AHNAK2: variants seen among roughly 807,000 people sequenced by gnomAD.
The protein encoded by AHNAK2 is protein AHNAK2.
Under a neutral mutation model 30.7 loss-of-function variants are expected in AHNAK2, and 18 were observed. That is an observed-to-expected ratio of 0.59 (90% CI 0.41 to 0.87). The LOEUF (loss-of-function observed/expected upper bound fraction) is 0.87, where lower values mean the gene tolerates loss of function less well. Ranked by LOEUF, AHNAK2 falls within the 40% of genes least tolerant of loss-of-function variation. The pLI is 0.00. For synonymous variants in AHNAK2, 3,590 were observed against 3,073.8 expected, an observed-to-expected ratio of 1.17 and a Z score of -5.56; for missense variants, 8,604 against 7,373.0, an observed-to-expected ratio of 1.17 and a Z score of -6.11.
In AHNAK2 at chr14:104,978,270, C is replaced by T. The variant is rs1375613006; in HGVS notation, c.-33G>A. 6.6e-6 allele frequency: 7 copies of T among 1,058,198 alleles called. No individual in the cohort carries two copies. Among genetic ancestry groups the T allele is most frequent in the Non-Finnish European group, 8.0e-6 (7 of 872,610 alleles). 65.6% of individuals were successfully genotyped at this position (1,058,198 alleles called of 1,614,324 possible). On this transcript the variant is annotated 5_prime_UTR_variant, in exon 1 of 7. Coordinates refer to ENST00000333244, the MANE Select transcript of AHNAK2 (RefSeq NM_138420.4). ...GCCAGGCGGTGCGGGCCTGGCGGCCCGTCGCGTCCAGTCGCTGGTCCCGGC... is the reference window on the plus strand; with the variant it reads ...GCCAGGCGGTGCGGGCCTGGCGGCCTGTCGCGTCCAGTCGCTGGTCCCGGC...
At position 104,948,723 on chromosome 14, in the gene AHNAK2, C is replaced by T. The variant is rs1388600176; in HGVS notation, c.6728G>A (p.Ser2243Asn). 1.2e-6 allele frequency: 2 copies of T among 1,611,548 alleles called. No individual in the cohort carries two copies. Among genetic ancestry groups the T allele is most frequent in the African/African-American group, 2.7e-5 (2 of 73,602 alleles). Residue 2243 changes from serine to asparagine, a missense_variant, in exon 7 of 7, where the codon AGT becomes AAT. Ser to Asn is a conservative substitution (Grantham distance 46). Coordinates refer to ENST00000333244, the MANE Select transcript of AHNAK2 (RefSeq NM_138420.4). ...KGHLPKLQMP[S>N]FKVPKVDLKG... Reference sequence around the variant, plus strand: ...GAGGTCCACTTTGGGCACCTTGAAACTGGGCATCTGCAGCTTGGGCAGGTG... The same window carrying T: ...GAGGTCCACTTTGGGCACCTTGAAATTGGGCATCTGCAGCTTGGGCAGGTG...
In AHNAK2 at chr14:104,954,536, C is replaced by G; in HGVS notation, c.915G>C (p.Thr305=). 2.5e-6 allele frequency: 4 copies of G among 1,610,480 alleles called. No homozygotes were observed. The highest frequency in any genetic ancestry group is 1.3e-5 in the African/African-American group (1 of 75,012). The change falls in exon 7 of 7, where the codon ACG becomes ACC. Residue 305 remains threonine (T), a synonymous_variant. Transcript: ENST00000333244. This position sits in a 1 kb window ranked among gnomAD's most constrained non-coding sequence, Gnocchi z 4.3. ...CTGCCTTCTGCTCTTGGCGCTCCAC[C>G]GTGAGCTGGGCCTCTGTGTCTGTGC... ...PTSTDTEAQL[T]VERQEQKAGP... is the part of the protein sequence containing the mutation.
chr14:104,950,178 C>T lies in AHNAK2; in HGVS notation c.5273G>A (p.Gly1758Asp), dbSNP rs373060297. 3 of 1,586,024 alleles carry T rather than the reference C, an allele frequency of 1.9e-6. No individual in the cohort carries two copies. In the African/African-American group the frequency reaches 4.2e-5, roughly 22 times the overall value. Residue 1758 changes from glycine to aspartate, a missense_variant, in exon 7 of 7, where the codon GGC (glycine) becomes GAC (aspartate). Coordinates refer to ENST00000333244, the MANE Select transcript of AHNAK2 (RefSeq NM_138420.4). Reference protein sequence around the residue: ...SLKMPKVALKGPQMDVKGPKL... With the variant: ...SLKMPKVALKDPQMDVKGPKL... ...GGGGCCCTTGACGTCCATCTGGGGGCCCTTGAGGGCCACTTTGGGCATCTT... is the reference window on the plus strand; with the variant it reads ...GGGGCCCTTGACGTCCATCTGGGGGTCCTTGAGGGCCACTTTGGGCATCTT...
rs1199480905 is a variant in AHNAK2, at chr14:104,943,583, C to G, written c.11868G>C (p.Leu3956=). The G allele has an allele frequency of 6.2e-7, 1 of 1,612,536 alleles. No individual in the cohort carries two copies. The highest frequency in any genetic ancestry group is 1.3e-5 in the African/African-American group (1 of 74,608). ...CTTTGGCCGTCATGTCCTTGTCGGCCAGGGACAGGTCCCCCTCCAGCCGCG... is the reference window on the plus strand; with the variant it reads ...CTTTGGCCGTCATGTCCTTGTCGGCGAGGGACAGGTCCCCCTCCAGCCGCG... ...DGARLEGDLS[L]ADKDMTAKDS... The change falls in exon 7 of 7, where the codon CTG becomes CTC. Residue 3956 remains leucine, a synonymous_variant. Coordinates refer to ENST00000333244, the MANE Select transcript of AHNAK2 (RefSeq NM_138420.4).
intron 1 of AHNAK2, among the ~76,000 whole-genome samples, chr14:104,976,165 G>A (rs933412142): frequency 2.0e-5 from 3 of 152,184 alleles, no homozygotes; most frequent in African/African-American, 7.2e-5. Flanking sequence ...CTCTGCCCCT[G>A]GGAAAGAGGC....
chr14:104,950,641 C>A lies in AHNAK2; in HGVS notation c.4810G>T (p.Asp1604Tyr). 1 of 1,587,182 alleles carries A rather than the reference C, an allele frequency of 6.3e-7. No individual in the cohort carries two copies. The highest frequency in any genetic ancestry group is 1.1e-5 in the South Asian group (1 of 89,718). ...ACTTCCACCTTGGGGCCTTTCAGGT[C>A]CAGCTTGGGGCCCTTAACATCTATC... ...PQIDVKGPKL[D>Y]LKGPKVEVTA... The change falls in exon 7 of 7, where the codon GAC (aspartate) becomes TAC (tyrosine). Residue 1604 changes from aspartate (D) to tyrosine (Y), a missense_variant. Asp to Tyr is a radical substitution (Grantham distance 160). Coordinates refer to ENST00000333244, the MANE Select transcript of AHNAK2 (RefSeq NM_138420.4).
In AHNAK2 at chr14:104,943,528, T is replaced by C. The variant is rs758062269; in HGVS notation, c.11923A>G (p.Met3975Val). The part of the protein sequence containing the change: ...DSKFKMPKFK[M>V]PSFGVSAPGK... ...GGGGCAGACACCCCGAACGACGGCA[T>C]CTTGAACTTGGGCATTTTGAACTTG... The change falls in exon 7 of 7, where the codon ATG (methionine) becomes GTG (valine). Residue 3975 changes from methionine (M) to valine (V), a missense_variant. By Grantham distance (21) the Met-to-Val change is conservative. Transcript: ENST00000333244. The C allele has an allele frequency of 3.1e-6, 5 of 1,612,600 alleles. No individual in the cohort carries two copies. The highest frequency in any genetic ancestry group is 1.6e-4 in the Middle Eastern group (1 of 6,074).
Position 104,943,504 on chromosome 14 carries a change from G to A in AHNAK2, c.11947C>T (p.Pro3983Ser). 1.2e-6 allele frequency: 2 copies of A among 1,613,098 alleles called. No homozygotes were observed. The highest frequency in any genetic ancestry group is 1.1e-5 in the South Asian group (1 of 91,028). The change falls in exon 7 of 7, where the codon CCA becomes TCA. Residue 3983 changes from proline (P) to serine (S), a missense_variant. Physicochemically the swap from Pro to Ser is moderately conservative, Grantham distance 74 (BLOSUM62 -1). Coordinates refer to ENST00000333244, the MANE Select transcript of AHNAK2 (RefSeq NM_138420.4). ...ACTGATGCCTCCATGGACTTGCCTG[G>A]GGCAGACACCCCGAACGACGGCATC... Reference protein sequence around the residue: ...FKMPSFGVSAPGKSMEASVDV... With the variant: ...FKMPSFGVSASGKSMEASVDV...
intron 1 of AHNAK2, among the ~76,000 whole-genome samples, chr14:104,960,944 C>T (rs756285262): frequency 1.1e-4 from 17 of 149,990 alleles, no homozygotes; most frequent in Admixed American, 2.7e-4. Context: ...CCAGCCTGGC[C>T]AACATGGTGA....
chr14:104,973,144 G>A (rs1566927501), intron 1 of AHNAK2, among the ~76,000 whole-genome samples: 3 of 152,366 alleles, frequency 2.0e-5, no homozygotes, highest in Middle Eastern at 6.8e-3. Context: ...CAGCTGGAGG[G>A]ACGGCAAGCA....
At position 104,957,444 on chromosome 14, in the gene AHNAK2, T is replaced by C. The variant is rs1899009047; in HGVS notation, c.179A>G (p.Glu60Gly). Residue 60 changes from glutamate to glycine, a missense_variant, in exon 3 of 7, where the codon GAA (glutamate) becomes GGA (glycine). Glu to Gly is a moderately conservative substitution (Grantham distance 98). Coordinates refer to ENST00000333244, the MANE Select transcript of AHNAK2 (RefSeq NM_138420.4). ...AAAGTCGGCAGCCTCAGTCGTGTAT[T>C]CGTAGACAGGTGAAGACCCCTGCGG... ...PRPQGSSPVY[E>G]YTTEAADFGL... is the part of the protein sequence containing the mutation. 5 of 1,599,092 alleles carry C rather than the reference T, an allele frequency of 3.1e-6. No individual in the cohort carries two copies. The African/African-American group carries it at 6.7e-5, about 21-fold the overall frequency.
chr14:104,946,254 A>C lies in AHNAK2; in HGVS notation c.9197T>G (p.Met3066Arg). ...TACTTTGGGCATCTTGAAACTGGGC[A>C]TCTGCAACTTGGGCAGGTGCCCTTT... ...GLKGHLPKLQMPSFKMPKVDR... is the reference protein window; with the variant it reads ...GLKGHLPKLQRPSFKMPKVDR... Residue 3066 changes from methionine (M) to arginine (R), a missense_variant, in exon 7 of 7, where the codon ATG becomes AGG. Transcript: ENST00000333244. 6.2e-7 allele frequency: 1 copy of C among 1,608,084 alleles called. No individual in the cohort carries two copies. Among genetic ancestry groups the C allele is most frequent in the Non-Finnish European group, 8.5e-7 (1 of 1,177,660 alleles).
In AHNAK2 at chr14:104,956,103, C is replaced by T. The variant is rs186804880; in HGVS notation, c.316-470G>A. On this transcript the variant is annotated intron_variant, in intron 4 of 6. Transcript: ENST00000333244. ...CTGCGAGACCTGGGACAGGATGGGG[C>T]CTGTGTCCTGCAGAGCTCTTGGACT... Among the ~76,000 whole-genome samples the T allele has an allele frequency of 7.0e-4, 107 of 152,274 alleles. 2 individuals are homozygous for T. The South Asian group carries it at 0.013, about 19-fold the overall frequency.
In AHNAK2 at chr14:104,941,252, C is replaced by G; in HGVS notation, c.14199G>C (p.Thr4733=). 1 of 1,613,586 alleles carries G rather than the reference C, an allele frequency of 6.2e-7. No homozygotes were observed. The highest frequency in any genetic ancestry group is 8.5e-7 in the Non-Finnish European group (1 of 1,179,886). Residue 4733 remains threonine, a synonymous_variant, in exon 7 of 7, where the codon ACG becomes ACC. Transcript: ENST00000333244. ...PGAKSSIGLS[T]IPLSSSECSS... is the part of the protein sequence containing the mutation. ...AGCATTCTGAAGATGATAAAGGAAT[C>G]GTGGAAAGACCTATGCTAGACTTTG...
Position 104,939,981 on chromosome 14 carries a change from T to C in AHNAK2, c.15470A>G (p.Asp5157Gly). ...TTTTCTACAGGATGGCTGGAGGGGA[T>C]CTTCAGGTGTGGGGGCTATCCCCTC... ...CGEGIAPTPE[D>G]PLQPSCRKPD... Residue 5157 changes from aspartate (D) to glycine (G), a missense_variant, in exon 7 of 7, where the codon GAT becomes GGT. Asp to Gly is a moderately conservative substitution (Grantham distance 94, BLOSUM62 -1). Coordinates refer to ENST00000333244, the MANE Select transcript of AHNAK2 (RefSeq NM_138420.4). 1 of 1,612,174 alleles carries C rather than the reference T, an allele frequency of 6.2e-7. No individual in the cohort carries two copies. The highest frequency in any genetic ancestry group is 2.2e-5 in the East Asian group (1 of 44,880).
In AHNAK2 at chr14:104,943,392, G is replaced by T; in HGVS notation, c.12059C>A (p.Pro4020His). 1 of 1,613,148 alleles carries T rather than the reference G, an allele frequency of 6.2e-7. No homozygotes were observed. The highest frequency in any genetic ancestry group is 2.2e-5 in the East Asian group (1 of 44,788). ...DLKATDLSVQ[P>H]PSADLEVQAG... ...CTGGACCTCCAGGTCAGCGGAAGGG[G>T]GCTGAACGCTGAGGTCAGTGGCCTT... Residue 4020 changes from proline (P) to histidine (H), a missense_variant, in exon 7 of 7, where the codon CCC becomes CAC. Physicochemically the swap from Pro to His is moderately conservative, Grantham distance 77. Transcript: ENST00000333244.
chr14:104,941,489 T>G lies in AHNAK2; in HGVS notation c.13962A>C (p.Gly4654=), dbSNP rs1595390531. The change falls in exon 7 of 7, where the codon GGA becomes GGC. Residue 4654 remains glycine, a synonymous_variant. Coordinates refer to ENST00000333244, the MANE Select transcript of AHNAK2 (RefSeq NM_138420.4). Reference sequence around the variant, plus strand: ...AAGTCTTCTCATGGAATGTAACATTTCCTTCGATTTCAGAGGAAGACATGG... The same window carrying G: ...AAGTCTTCTCATGGAATGTAACATTGCCTTCGATTTCAGAGGAAGACATGG... ...KVSMSSSEIE[G]NVTFHEKTST... 8 of 1,612,824 alleles carry G rather than the reference T, an allele frequency of 5.0e-6. No homozygotes were observed. The Admixed American group carries it at 1.3e-4, about 27-fold the overall frequency.
Position 104,941,248 on chromosome 14 carries a change from G to C in AHNAK2, c.14203C>G (p.Pro4735Ala). Residue 4735 changes from proline to alanine, a missense_variant, in exon 7 of 7, where the codon CCT (proline) becomes GCT (alanine). Coordinates refer to ENST00000333244, the MANE Select transcript of AHNAK2 (RefSeq NM_138420.4). The stretch of plus-strand genomic sequence containing the variant: ...CTTGAGCATTCTGAAGATGATAAAG[G>C]AATCGTGGAAAGACCTATGCTAGAC... ...AKSSIGLSTI[P>A]LSSSECSSFE... 1.2e-6 allele frequency: 2 copies of C among 1,613,602 alleles called. No individual in the cohort carries two copies. Among genetic ancestry groups the C allele is most frequent in the Non-Finnish European group, 1.7e-6 (2 of 1,179,890 alleles).
In AHNAK2 at chr14:104,943,476, T is replaced by C; in HGVS notation, c.11975A>G (p.Asp3992Gly). The C allele has an allele frequency of 6.2e-7, 1 of 1,612,738 alleles. No individual in the cohort carries two copies. The highest frequency in any genetic ancestry group is 8.5e-7 in the Non-Finnish European group (1 of 1,179,494). Residue 3992 changes from aspartate to glycine, a missense_variant, in exon 7 of 7, where the codon GAT becomes GGT. Coordinates refer to ENST00000333244, the MANE Select transcript of AHNAK2 (RefSeq NM_138420.4). Reference sequence around the variant, plus strand: ...GGCCTCCACCTTTGGCGCGGTCACATCCACTGATGCCTCCATGGACTTGCC... The same window carrying C: ...GGCCTCCACCTTTGGCGCGGTCACACCCACTGATGCCTCCATGGACTTGCC... ...APGKSMEASV[D>G]VTAPKVEADV...
Sources: allele counts gnomAD v4.1 joint callset (sites outside exome capture counted in the v4.1 genomes callset), GRCh38; gene constraint gnomAD v4.1.1; non-coding constraint Gnocchi (gnomAD v3.1); transcripts MANE v1.5; gene names NCBI Gene and HGNC (gene_info 2026-07-23, HGNC 2026-07-21).